Variants in UVRAG observed in about 807,000 individuals in gnomAD.
The protein encoded by UVRAG is UV radiation resistance associated.
UVRAG carries 19 observed loss-of-function variants against 78.0 expected under a neutral mutation model. That is an observed-to-expected ratio of 0.24 (90% CI 0.17 to 0.36). The LOEUF is 0.36. Ranked by LOEUF, UVRAG falls within the 10% of genes least tolerant of loss-of-function variation. The pLI is 1.00. For synonymous variants in UVRAG, 323 were observed against 324.6 expected (o/e 1.00, Z 0.05); for missense variants, 740 against 853.8 (o/e 0.87, Z 1.66).
chr11:76,141,566 A>C lies in UVRAG; in HGVS notation c.*153A>C, dbSNP rs1952724301. The C allele has an allele frequency of 1.2e-6, 1 of 822,744 alleles. No individual in the cohort carries two copies. The highest frequency in any genetic ancestry group is 3.0e-5 in the Admixed American group (1 of 33,128). The allele number at this position is 822,744 out of a possible 1,614,324, so 51.0% of individuals were successfully genotyped here. On this transcript the variant is annotated 3_prime_UTR_variant, in exon 15 of 15. Transcript: ENST00000356136. ...GACTTTGGGAATGAAGGAGGGACTC[A>C]GGATCATTGTTATCAGTGGGCCAAA...
chr11:75,984,531 C>A (rs1010004337), intron 8 of UVRAG, among the ~76,000 whole-genome samples: 3 of 152,226 alleles, frequency 2.0e-5, no homozygotes, highest in African/African-American at 7.2e-5. Context: ...CAGGATGTAT[C>A]CCCATGGTAA....
intron 8 of UVRAG, among the ~76,000 whole-genome samples, chr11:75,989,222 T>A (rs1949558668): frequency 1.3e-5 from 2 of 152,000 alleles, no homozygotes; most frequent in African/African-American, 4.8e-5. Flanking sequence ...GCCTGGGTAA[T>A]TTTTGAATTT....
intron 8 of UVRAG, among the ~76,000 whole-genome samples, chr11:76,000,135 A>G (rs530830897): frequency 1.2e-4 from 18 of 152,348 alleles, no homozygotes; most frequent in African/African-American, 4.1e-4. Context: ...AAGAAATGGA[A>G]CATACTGAAA....
intron 7 of UVRAG, among the ~76,000 whole-genome samples, chr11:75,963,210 C>T (rs891233603): frequency 6.6e-6 from 1 of 152,138 alleles, no homozygotes; most frequent in Non-Finnish European, 1.5e-5. Context: ...GTTTTTGTCT[C>T]TCTCTCTTTT....
chr11:75,930,927 T>TTTTCTTTCCTTC (rs1555089487), intron 6 of UVRAG: 56 of 117,512 alleles, frequency 4.8e-4, no homozygotes, highest in African/African-American at 1.4e-3. Context: ...AGTGTCGGGA[T>TTTTCTTTCCTTC]TTTCTTTCTT....
At chr11:76,005,262 G>T (rs779063957) in intron 9 of UVRAG, among the ~76,000 whole-genome samples, 6 of 152,110 alleles carry the variant, frequency 3.9e-5, no homozygotes, top group Non-Finnish European at 7.4e-5. Context: ...AGAATGGCGT[G>T]AGCCCGGGCG....
At chr11:75,937,899 A>G (rs566586573) in intron 6 of UVRAG, among the ~76,000 whole-genome samples, 3 of 152,272 alleles carry the variant, frequency 2.0e-5, no homozygotes, top group South Asian at 4.2e-4. Context: ...AAGTTGTGCT[A>G]TCACACACTG....
At chr11:75,880,902 T>C (rs1946929306) in intron 4 of UVRAG, among the ~76,000 whole-genome samples, 1 of 151,392 alleles carries the variant, frequency 6.6e-6, no homozygotes, top group African/African-American at 2.4e-5. Context: ...CATAATATTT[T>C]CTTTCTTCCT....
intron 6 of UVRAG, among the ~76,000 whole-genome samples, chr11:75,938,298 G>A (rs1948418876): frequency 6.6e-6 from 1 of 152,054 alleles, no homozygotes; most frequent in South Asian, 2.1e-4. Context: ...TGTTTTAATG[G>A]CCCTATCTAC....
At chr11:75,872,573 G>GGCC (rs1946678460) in intron 3 of UVRAG, among the ~76,000 whole-genome samples, 1 of 151,922 alleles carries the variant, frequency 6.6e-6, no homozygotes, top group Non-Finnish European at 1.5e-5. Context: ...TTTTTTAGTA[G>GGCC]AGGTGGGGTT....
intron 6 of UVRAG, chr11:75,930,870 A>G (rs1485370459): frequency 1.3e-5 from 2 of 152,174 alleles, no homozygotes; most frequent in African/African-American, 2.4e-5. Context: ...ACTACCCACA[A>G]GAGGTGGTGA....
intron 6 of UVRAG, among the ~76,000 whole-genome samples, chr11:75,959,479 C>G (rs546646409): frequency 6.6e-6 from 1 of 152,328 alleles, no homozygotes; most frequent in African/African-American, 2.4e-5. Context: ...TCTTCTGCAG[C>G]TTCCTTACCT....
chr11:75,945,599 A>C (rs1006769164), intron 6 of UVRAG, among the ~76,000 whole-genome samples: 5 of 151,974 alleles, frequency 3.3e-5, no homozygotes, highest in African/African-American at 1.2e-4. Context: ...CATACATGAC[A>C]TCTCGTGGTC....
chr11:75,934,954 T>C (rs1948335888), intron 6 of UVRAG: 1 of 152,198 alleles, frequency 6.6e-6, no homozygotes, highest in African/African-American at 2.4e-5. Flanking sequence ...TCATCCTGAA[T>C]GTGCCTGATG....
At chr11:75,904,432 A>G (rs905805746) in intron 5 of UVRAG, among the ~76,000 whole-genome samples, 31 of 152,352 alleles carry the variant, frequency 2.0e-4, no homozygotes, top group African/African-American at 7.2e-4. Context: ...ATCCTTCATC[A>G]GAAGTCTGTT....
chr11:75,930,929 T>TTCTTTC (rs1407248135), intron 6 of UVRAG: 1 of 118,428 alleles, frequency 8.4e-6, no homozygotes, highest in African/African-American at 3.8e-5. Flanking sequence ...TGTCGGGATT[T>TTCTTTC]TCTTTCTTTC....
At chr11:75,838,898 G>T (rs1945847250) in intron 1 of UVRAG, 1 of 152,240 alleles carries the variant, frequency 6.6e-6, no homozygotes, top group Non-Finnish European at 1.5e-5. Flanking sequence ...TATCATGGGG[G>T]AAGAACTGGT....
intron 5 of UVRAG, among the ~76,000 whole-genome samples, chr11:75,894,822 A>G (rs1157297263): frequency 6.7e-6 from 1 of 149,354 alleles, no homozygotes; most frequent in Non-Finnish European, 1.5e-5. Flanking sequence ...AAAAAAAAAA[A>G]GATGGAAAGC....
chr11:75,989,175 C>T (rs1196736264), intron 8 of UVRAG, among the ~76,000 whole-genome samples: 1 of 152,088 alleles, frequency 6.6e-6, no homozygotes, highest in African/African-American at 2.4e-5. Flanking sequence ...CTGCCTCAGC[C>T]TCCTCAGTAG....
Sources: gnomAD v4.1 joint callset for allele counts (sites outside exome capture counted in the v4.1 genomes callset) on GRCh38, gnomAD v4.1.1 for gene constraint, MANE v1.5 for transcripts, NCBI Gene and HGNC (gene_info 2026-07-23, HGNC 2026-07-21) for gene names.